Variants in APH1B observed in about 807,000 individuals in gnomAD.
APH1B encodes aph-1B gamma-secretase subunit.
APH1B carries 27 observed loss-of-function variants against 28.2 expected under a neutral mutation model. The ratio of observed to expected loss-of-function variants is 0.96; its 90% CI spans 0.70 to 1.32. The LOEUF is 1.32. Among genes scored for constraint, APH1B ranks in the 40% most tolerant of loss-of-function variants. The pLI is 0.00. For missense variants in APH1B, 305 were observed against 313.6 expected (o/e 0.97, Z 0.21); for synonymous variants, 141 against 124.6 (o/e 1.13, Z -0.88).
intron 2 of APH1B, among the ~76,000 whole-genome samples, chr15:63,285,239 T>G (rs2038433394): frequency 6.6e-6 from 1 of 152,214 alleles, no homozygotes; most frequent in South Asian, 2.1e-4. Flanking sequence ...TATTTATATT[T>G]ATGTAAAGAA....
At position 63,302,482 on chromosome 15, in the gene APH1B, G is replaced by A. The variant is rs2038643183; in HGVS notation, c.606+10G>A. ...GCTGGTGTCAGCCCAGGTGAGTGTT[G>A]CCGCCATGCTCAGACTGTATTCTGG... On this transcript the variant is annotated intron_variant, in intron 5 of 5. Transcript: ENST00000261879. 6.2e-7 allele frequency: 1 copy of A among 1,612,120 alleles called. No individual in the cohort carries two copies. Among genetic ancestry groups the A allele is most frequent in the African/African-American group, 1.3e-5 (1 of 74,868 alleles).
rs74022905 is a variant in APH1B, at chr15:63,290,461, A to T, written c.478+2915A>T. 9.7e-3 allele frequency among the ~76,000 whole-genome samples: 1,481 copies of T among 152,336 alleles called. 15 individuals carry two copies. Among genetic ancestry groups the T allele is most frequent in the South Asian group, 0.04 (195 of 4,828 alleles). ...TGAATCACTCATTCCATACATAATT[A>T]TTAAATGTTTTTAGTCTAAAGGAGT... On this transcript the variant is annotated intron_variant, in intron 4 of 5. Coordinates refer to ENST00000261879, the MANE Select transcript of APH1B (RefSeq NM_031301.4).
intron 4 of APH1B, among the ~76,000 whole-genome samples, chr15:63,300,202 T>A (rs1338808766): frequency 6.6e-6 from 1 of 152,092 alleles, no homozygotes; most frequent in Non-Finnish European, 1.5e-5. Flanking sequence ...TCTGGTTTCT[T>A]TAAGCAGCTG....
rs191077599 is a variant in APH1B, at chr15:63,308,471, T to C, written c.*2690T>C. Reference sequence around the variant, plus strand: ...TTAATGATGATATCTGCAGACTGCGTAGAAAATGGCTTTTGTTCCCAGCGT... The same window carrying C: ...TTAATGATGATATCTGCAGACTGCGCAGAAAATGGCTTTTGTTCCCAGCGT... On this transcript the variant is annotated 3_prime_UTR_variant, in exon 6 of 6. Coordinates refer to ENST00000261879, the MANE Select transcript of APH1B (RefSeq NM_031301.4). 1 of 152,376 alleles carries C rather than the reference T, an allele frequency of 6.6e-6. No homozygotes were observed. The highest frequency in any genetic ancestry group is 1.9e-4 in the East Asian group (1 of 5,194). 9.4% of individuals were successfully genotyped at this position (152,376 alleles called of 1,614,324 possible).
chr15:63,284,903 A>G (rs2038429902), intron 2 of APH1B, among the ~76,000 whole-genome samples: 1 of 152,074 alleles, frequency 6.6e-6, no homozygotes, highest in Admixed American at 6.5e-5. Context: ...ATCTTCCCAC[A>G]TTTTTTGATT....
At chr15:63,289,416 T>A (rs2038480091) in intron 4 of APH1B, among the ~76,000 whole-genome samples, 1 of 152,238 alleles carries the variant, frequency 6.6e-6, no homozygotes, top group African/African-American at 2.4e-5. Flanking sequence ...ACTTTATATG[T>A]TTAGTATACT....
rs529233576 is a variant in APH1B at position 63,278,526 on chromosome 15, T to C, written c.114-635T>C. 1.2e-4 allele frequency among the ~76,000 whole-genome samples: 19 copies of C among 152,366 alleles called. No homozygotes were observed. The East Asian group carries it at 3.5e-3, about 28-fold the overall frequency. ...CGTATTGAAAGTGCTTCGCTGCATG[T>C]CATTTTAAAAATAATAGAGATTTGG... On this transcript the variant is annotated intron_variant, in intron 1 of 5. Coordinates refer to ENST00000261879, the MANE Select transcript of APH1B (RefSeq NM_031301.4).
At chr15:63,279,416 G>T in intron 2 of APH1B, 85 bp downstream of exon 2, 1 of 1,303,220 alleles carries the variant, frequency 7.7e-7, no homozygotes, top group Middle Eastern at 2.7e-4. Flanking sequence ...ATATAGTATT[G>T]TATCTATGCC....
intron 2 of APH1B, among the ~76,000 whole-genome samples, chr15:63,279,983 A>C (rs935141550): frequency 6.6e-6 from 1 of 152,024 alleles, no homozygotes; most frequent in African/African-American, 2.4e-5. Flanking sequence ...ATTTTAGTAG[A>C]GACAGGGTTT....
chr15:63,303,831 C>T (rs902527259), intron 5 of APH1B, among the ~76,000 whole-genome samples: 8 of 150,444 alleles, frequency 5.3e-5, no homozygotes, highest in African/African-American at 2.0e-4. Flanking sequence ...CTGCTGTGAA[C>T]GTTCTAATGT....
rs1170031808 is a variant in APH1B at position 63,306,110 on chromosome 15, T to C, written c.*329T>C. 5 of 216,238 alleles carry C rather than the reference T, an allele frequency of 2.3e-5. No homozygotes were observed. Among genetic ancestry groups the C allele is most frequent in the African/African-American group, 1.2e-4 (5 of 42,554 alleles). The allele number at this position is 216,238 out of a possible 1,614,324, so 13.4% of individuals were successfully genotyped here. ...TGCAGCCATGTTGAGACCCACTGGT[T>C]TGGTATCCAAATAGGAGCTTCCTGA... On this transcript the variant is annotated 3_prime_UTR_variant, in exon 6 of 6. Transcript: ENST00000261879.
chr15:63,284,522 C>T (rs2038425839), intron 2 of APH1B, among the ~76,000 whole-genome samples: 1 of 152,186 alleles, frequency 6.6e-6, no homozygotes, highest in South Asian at 2.1e-4. Flanking sequence ...CCAATATGTG[C>T]TGTGCTTTTA....
chr15:63,293,821 G>GT (rs2038533248), intron 4 of APH1B, among the ~76,000 whole-genome samples: 1 of 152,170 alleles, frequency 6.6e-6, no homozygotes, highest in Non-Finnish European at 1.5e-5. Flanking sequence ...CTGGAGTGGA[G>GT]TGGTGTGATC....
At position 63,282,375 on chromosome 15, in the gene APH1B, C is replaced by T. The variant is rs1306784960; in HGVS notation, c.284+3044C>T. ...TGGAATTGGATCAAAATATTCATTG[C>T]AATCTAATAATAAATAATAGTTTTA... On this transcript the variant is annotated intron_variant, in intron 2 of 5. Transcript: ENST00000261879. Among the ~76,000 whole-genome samples, 5 of 152,254 alleles carry T rather than the reference C, an allele frequency of 3.3e-5. No homozygotes were observed. The East Asian group carries it at 5.8e-4, about 18-fold the overall frequency.
At position 63,309,034 on chromosome 15, in the gene APH1B, A is replaced by G. The variant is rs2038715741; in HGVS notation, c.*3253A>G. ...TTATACCATGTCATATATACTTGCA[A>G]TATCAGACCTTGCATTCAATATACA... On this transcript the variant is annotated 3_prime_UTR_variant, in exon 6 of 6. Transcript: ENST00000261879. 6.6e-6 allele frequency: 1 copy of G among 152,188 alleles called. No individual in the cohort carries two copies. The highest frequency in any genetic ancestry group is 2.1e-4 in the South Asian group (1 of 4,822). 9.4% of individuals were successfully genotyped at this position (152,188 alleles called of 1,614,324 possible).
intron 4 of APH1B, among the ~76,000 whole-genome samples, chr15:63,292,659 G>T (rs2038517849): frequency 6.6e-6 from 1 of 152,070 alleles, no homozygotes; most frequent in African/African-American, 2.4e-5. Flanking sequence ...CAAAGTGCTG[G>T]GATTATAGGG....
intron 4 of APH1B, among the ~76,000 whole-genome samples, chr15:63,299,744 G>C (rs2038604919): frequency 6.6e-6 from 1 of 151,978 alleles, no homozygotes; most frequent in Non-Finnish European, 1.5e-5. Flanking sequence ...CTTGACTATA[G>C]GAGCATAATT....
Position 63,300,825 on chromosome 15 carries a change from G to A in APH1B, c.479-1520G>A, listed in dbSNP as rs80074265. On this transcript the variant is annotated intron_variant, in intron 4 of 5. Coordinates refer to ENST00000261879, the MANE Select transcript of APH1B (RefSeq NM_031301.4). Reference sequence around the variant, plus strand: ...AATGAAATAATACGCATTTTTTCACGATACGGTTTTCTTTTCTACATAACA... The same window carrying A: ...AATGAAATAATACGCATTTTTTCACAATACGGTTTTCTTTTCTACATAACA... Among the ~76,000 whole-genome samples, 20 of 152,186 alleles carry A rather than the reference G, an allele frequency of 1.3e-4. No homozygotes were observed. The East Asian group carries it at 1.3e-3, about 10-fold the overall frequency.
At chr15:63,284,201 T>G (rs1567027809) in intron 2 of APH1B, among the ~76,000 whole-genome samples, 1 of 151,262 alleles carries the variant, frequency 6.6e-6, no homozygotes, top group Non-Finnish European at 1.5e-5. Context: ...ATACTGTACA[T>G]AATTGTATGT....
Sources: gnomAD v4.1 joint callset for allele counts (sites outside exome capture counted in the v4.1 genomes callset) on GRCh38, gnomAD v4.1.1 for gene constraint, MANE v1.5 for transcripts, NCBI Gene and HGNC (gene_info 2026-07-23, HGNC 2026-07-21) for gene names.